GRAMD2A: variants seen among roughly 807,000 people sequenced by gnomAD.
GRAMD2A encodes the protein GRAM domain-containing protein 2A.
A neutral mutation model predicts 51.1 loss-of-function variants in GRAMD2A; 37 were observed. The observed-to-expected ratio is 0.72, with a 90% CI of 0.56 to 0.95. The LOEUF is 0.95. Among genes scored for constraint, GRAMD2A ranks in the 40% least tolerant of loss-of-function variants. The probability of loss-of-function intolerance (pLI) is 0.00; values close to 1 mark genes in which losing one functional copy is unlikely to be tolerated. For synonymous variants in GRAMD2A, 136 were observed against 157.1 expected (o/e 0.87, Z 1.01); for missense variants, 414 against 426.9 (o/e 0.97, Z 0.27).
intron 8 of GRAMD2A, 76 bp downstream of exon 8, chr15:72,165,278 C>G: frequency 7.3e-7 from 1 of 1,367,586 alleles, no homozygotes; most frequent in Non-Finnish European, 1.0e-6. Flanking sequence ...TTGTGGGCCC[C>G]CCTAGGAGGC....
At chr15:72,195,542 AG>A (rs1312538026) in intron 1 of GRAMD2A, among the ~76,000 whole-genome samples, 2 of 152,020 alleles carry the variant, frequency 1.3e-5, no homozygotes, top group African/African-American at 4.8e-5. Flanking sequence ...CCTCAACCTC[AG>A]GGGGTCACGG....
intron 8 of GRAMD2A, among the ~76,000 whole-genome samples, chr15:72,164,948 G>A (rs1295379140): frequency 6.6e-6 from 1 of 152,188 alleles, no homozygotes; most frequent in Non-Finnish European, 1.5e-5. Flanking sequence ...AGATCAGCTT[G>A]GCCAACGTGG....
Position 72,167,797 on chromosome 15 carries a change from C to A in GRAMD2A, c.311G>T (p.Arg104Leu). The A allele has an allele frequency of 1.2e-6, 2 of 1,614,058 alleles. No individual in the cohort carries two copies. Among genetic ancestry groups the A allele is most frequent in the Non-Finnish European group, 1.7e-6 (2 of 1,179,980 alleles). ...ALQRDFLLQGRLYISPNWLCF... is the reference protein window; with the variant it reads ...ALQRDFLLQGLLYISPNWLCF... Reference sequence around the variant, plus strand: ...GAGCCAGTTGGGGGAGATGTAGAGCCGGCCCTGGAGGAGGAAGTCCCTCTG... The same window carrying A: ...GAGCCAGTTGGGGGAGATGTAGAGCAGGCCCTGGAGGAGGAAGTCCCTCTG... Residue 104 changes from arginine to leucine, a missense_variant, in exon 5 of 12, where the codon CGG (arginine) becomes CTG (leucine). Physicochemically the swap from Arg to Leu is moderately radical, Grantham distance 102. Transcript: ENST00000309731.
rs1195247311 is a variant in GRAMD2A at position 72,161,017 on chromosome 15, C to G, written c.*992G>C. On this transcript the variant is annotated 3_prime_UTR_variant, in exon 12 of 12. Transcript: ENST00000309731. ...AAGTGACCTCTGCCCTGTGATGGCT[C>G]AACACCATCACACGCAACTGTCCAG... 6.6e-6 allele frequency: 1 copy of G among 152,248 alleles called. No homozygotes were observed. Among genetic ancestry groups the G allele is most frequent in the Non-Finnish European group, 1.5e-5 (1 of 68,084 alleles). 9.4% of individuals were successfully genotyped at this position (152,248 alleles called of 1,614,324 possible). A position where few individuals can be genotyped will look rare whatever the true frequency, so the allele number is the denominator to read the frequency against.
chr15:72,163,439 C>G lies in GRAMD2A; in HGVS notation c.783G>C (p.Gly261=), dbSNP rs762792158. 1.8e-5 allele frequency: 29 copies of G among 1,614,048 alleles called. No homozygotes were observed. Among genetic ancestry groups the G allele is most frequent in the Non-Finnish European group, 2.5e-5 (29 of 1,180,002 alleles). Residue 261 remains glycine (G), a synonymous_variant, in exon 10 of 12, where the codon GGG becomes GGC. Transcript: ENST00000309731. ...SRAQVASENG[G]RWAWPMPGWG... is the part of the protein sequence containing the mutation. ...AGCCTGGCATGGGCCATGCCCACCTCCCACCATTTTCTGAAGCTACTTGGG... is the reference window on the plus strand; with the variant it reads ...AGCCTGGCATGGGCCATGCCCACCTGCCACCATTTTCTGAAGCTACTTGGG...
At position 72,161,885 on chromosome 15, in the gene GRAMD2A, G is replaced by C. The variant is rs1387729541; in HGVS notation, c.*124C>G. On this transcript the variant is annotated 3_prime_UTR_variant, in exon 12 of 12. Coordinates refer to ENST00000309731, the MANE Select transcript of GRAMD2A (RefSeq NM_001012642.3). ...AGCTGCGGGGAGGAGGAGGGATCTG[G>C]AATATTTTCCTTCATAGGCAGTCTT... The C allele has an allele frequency of 7.2e-6, 7 of 969,716 alleles. 1 individual carries two copies. The Admixed American group carries it at 1.2e-4, about 17-fold the overall frequency. The allele number at this position is 969,716 out of a possible 1,614,324, so 60.1% of individuals were successfully genotyped here. A position where few individuals can be genotyped will look rare whatever the true frequency, so the allele number is the denominator to read the frequency against.
chr15:72,166,836 G>T lies in GRAMD2A; in HGVS notation c.472-133C>A. ...TGAGAGCCAACAGAAGCTCTGCCTA[G>T]GAACTTCTCTTCCAGCTTGTTGTAC... On this transcript the variant is annotated intron_variant, in intron 6 of 11. Transcript: ENST00000309731. This position sits in a 1 kb window ranked among gnomAD's most constrained non-coding sequence, Gnocchi z 4.1. The T allele has an allele frequency of 1.1e-6, 1 of 947,952 alleles. No individual in the cohort carries two copies. Among genetic ancestry groups the T allele is most frequent in the Non-Finnish European group, 1.7e-6 (1 of 595,398 alleles). 58.7% of individuals were successfully genotyped at this position (947,952 alleles called of 1,614,324 possible).
chr15:72,179,566 C>T (rs2081681676), intron 1 of GRAMD2A, among the ~76,000 whole-genome samples: 1 of 152,192 alleles, frequency 6.6e-6, no homozygotes, highest in Admixed American at 6.5e-5. Context: ...CGAACTGGCT[C>T]CCCTAAGATG....
Position 72,163,377 on chromosome 15 carries a change from G to C in GRAMD2A, c.845C>G (p.Ser282Cys), listed in dbSNP as rs757388239. 1 of 1,614,116 alleles carries C rather than the reference G, an allele frequency of 6.2e-7. No homozygotes were observed. Among genetic ancestry groups the C allele is most frequent in the South Asian group, 1.1e-5 (1 of 91,084 alleles). The change falls in exon 10 of 12, where the codon TCT (serine) becomes TGT (cysteine). Residue 282 changes from serine (S) to cysteine (C), a missense_variant. Physicochemically the swap from Ser to Cys is moderately radical, Grantham distance 112. Coordinates refer to ENST00000309731, the MANE Select transcript of GRAMD2A (RefSeq NM_001012642.3). Reference protein sequence around the residue: ...PACPKKMPNCSPTAKNAVYEE... With the variant: ...PACPKKMPNCCPTAKNAVYEE... Reference sequence around the variant, plus strand: ...ATAGACAGCATTCTTTGCAGTGGGAGAGCAGTTCGGCATCTTCTTAGGGCA... The same window carrying C: ...ATAGACAGCATTCTTTGCAGTGGGACAGCAGTTCGGCATCTTCTTAGGGCA...
In GRAMD2A at chr15:72,170,008, T is replaced by C; in HGVS notation, c.42-69A>G. ...ACACCTTTCCCTAACAGCCCCACCA[T>C]GCCCATGGCCGCTGCCTCTGGCCCC... is the stretch of plus-strand genomic sequence containing the variant. On this transcript the variant is annotated intron_variant, in intron 1 of 11. Transcript: ENST00000309731. This position sits in a 1 kb window ranked among gnomAD's most constrained non-coding sequence, Gnocchi z 4.5. The C allele has an allele frequency of 8.7e-7, 1 of 1,147,324 alleles. No homozygotes were observed. Among genetic ancestry groups the C allele is most frequent in the Non-Finnish European group, 1.3e-6 (1 of 754,540 alleles). The allele number at this position is 1,147,324 out of a possible 1,614,324, so 71.1% of individuals were successfully genotyped here.
intron 1 of GRAMD2A, among the ~76,000 whole-genome samples, chr15:72,184,331 CAAA>C (rs2081719602): frequency 1.3e-5 from 2 of 152,274 alleles, no homozygotes; most frequent in Admixed American, 1.3e-4. Context: ...TCAGTGGCTC[CAAA>C]GCGGCGCCCG....
chr15:72,184,513 T>G (rs1018356078), intron 1 of GRAMD2A, among the ~76,000 whole-genome samples: 4 of 152,198 alleles, frequency 2.6e-5, no homozygotes, highest in Non-Finnish European at 5.9e-5. Context: ...CCCTTCCTGG[T>G]GCAGTGCGTG....
intron 1 of GRAMD2A, among the ~76,000 whole-genome samples, chr15:72,196,559 A>G (rs2081806643): frequency 6.6e-6 from 1 of 151,362 alleles, no homozygotes. Context: ...CTGACTCCTC[A>G]CTGAAGAATG....
At chr15:72,183,609 C>T (rs2081714131) in intron 1 of GRAMD2A, among the ~76,000 whole-genome samples, 1 of 151,676 alleles carries the variant, frequency 6.6e-6, no homozygotes. Context: ...GCAGGTGAAT[C>T]ACCTGAGATC....
In GRAMD2A at chr15:72,170,339, C is replaced by T. The variant is rs759645395; in HGVS notation, c.42-400G>A. On this transcript the variant is annotated intron_variant, in intron 1 of 11. Coordinates refer to ENST00000309731, the MANE Select transcript of GRAMD2A (RefSeq NM_001012642.3). The surrounding 1 kb of genome is among the most constrained non-coding windows in gnomAD (Gnocchi z 4.5). Reference sequence around the variant, plus strand: ...CGAGAACAAAAGTGTCCAAAGTACCCGCGCAGCATGACTGTAAACCATCAG... The same window carrying T: ...CGAGAACAAAAGTGTCCAAAGTACCTGCGCAGCATGACTGTAAACCATCAG... 1.5e-5 allele frequency: 7 copies of T among 460,432 alleles called. No individual in the cohort carries two copies. Among genetic ancestry groups the T allele is most frequent in the Non-Finnish European group, 2.6e-5 (6 of 229,958 alleles). 28.5% of individuals were successfully genotyped at this position (460,432 alleles called of 1,614,324 possible). A position where few individuals can be genotyped will look rare whatever the true frequency, so the allele number is the denominator to read the frequency against.
At position 72,170,003 on chromosome 15, in the gene GRAMD2A, C is replaced by CA. The variant is rs1480052957; in HGVS notation, c.42-65dup. The stretch of plus-strand genomic sequence containing the variant: ...TGAGGACACCTTTCCCTAACAGCCC[C>CA]ACCATGCCCATGGCCGCTGCCTCTG... On this transcript the variant is annotated intron_variant, in intron 1 of 11. Transcript: ENST00000309731. This position sits in a 1 kb window ranked among gnomAD's most constrained non-coding sequence, Gnocchi z 4.5. 3.3e-6 allele frequency: 4 copies of CA among 1,214,342 alleles called. No homozygotes were observed. The highest frequency in any genetic ancestry group is 4.9e-6 in the Non-Finnish European group (4 of 815,652). 75.2% of individuals were successfully genotyped at this position (1,214,342 alleles called of 1,614,324 possible).
At chr15:72,180,663 G>C (rs2081690460) in intron 1 of GRAMD2A, among the ~76,000 whole-genome samples, 1 of 152,224 alleles carries the variant, frequency 6.6e-6, no homozygotes, top group Non-Finnish European at 1.5e-5. Context: ...CAGGACCACA[G>C]GCAAGTGTGA....
At chr15:72,163,785 A>T (rs1232736283) in intron 8 of GRAMD2A, 28 bp from the exon 9 acceptor site, 2 of 1,600,420 alleles carry the variant, frequency 1.2e-6, no homozygotes, top group East Asian at 4.5e-5. Flanking sequence ...AAGCTATCTT[A>T]CCATGGCCCT....
chr15:72,169,775 A>C, intron 2 of GRAMD2A, 72 bp downstream of exon 2: 2 of 1,274,562 alleles, frequency 1.6e-6, no homozygotes, highest in South Asian at 1.2e-5. Flanking sequence ...GTCCTCTTAC[A>C]AACAGGTCAC....
Sources: allele counts gnomAD v4.1 joint callset (sites outside exome capture counted in the v4.1 genomes callset), GRCh38; gene constraint gnomAD v4.1.1; non-coding constraint Gnocchi (gnomAD v3.1); transcripts MANE v1.5; gene names NCBI Gene and HGNC (gene_info 2026-07-23, HGNC 2026-07-21).